Variants in CEP350 observed in about 807,000 individuals in gnomAD.
CEP350 encodes centrosomal protein 350.
Under a neutral mutation model 331.8 loss-of-function variants are expected in CEP350, and 126 were observed. That is an observed-to-expected ratio of 0.38 (90% CI 0.33 to 0.44). CEP350 has a LOEUF of 0.44. Among genes scored for constraint, CEP350 ranks in the 20% least tolerant of loss-of-function variants. CEP350 has a pLI of 1.00. For missense variants in CEP350, 3,406 were observed against 3,634.6 expected (o/e 0.94, Z 1.62); for synonymous variants, 1,200 against 1,259.5 (o/e 0.95, Z 1.00).
intron 6 of CEP350, among the ~76,000 whole-genome samples, chr1:179,999,455 T>G (rs930918208): frequency 2.0e-5 from 3 of 152,136 alleles, no homozygotes; most frequent in African/African-American, 7.2e-5. Context: ...GAATATGGCT[T>G]CCGATGTCCT....
At chr1:179,970,059 C>T (rs1651323716) in intron 1 of CEP350, among the ~76,000 whole-genome samples, 1 of 152,082 alleles carries the variant, frequency 6.6e-6, no homozygotes, top group Non-Finnish European at 1.5e-5. Flanking sequence ...AGGGCTCCCC[C>T]CTTCTTTTGG....
In CEP350 at chr1:180,112,760, A is replaced by C. The variant is rs527638841; in HGVS notation, c.*1599A>C. 6.5e-6 allele frequency: 1 copy of C among 152,770 alleles called. No individual in the cohort carries two copies. The highest frequency in any genetic ancestry group is 1.9e-4 in the East Asian group (1 of 5,192). 9.5% of individuals were successfully genotyped at this position (152,770 alleles called of 1,614,324 possible). ...AAGATGGTATAATCTTTAAGTGTGC[A>C]CGTTCGTTTATTTCTGCATCTTCCC... is the stretch of plus-strand genomic sequence containing the variant. On this transcript the variant is annotated 3_prime_UTR_variant, in exon 38 of 38. Coordinates refer to ENST00000367607, the MANE Select transcript of CEP350 (RefSeq NM_014810.5).
chr1:180,041,579 G>T, intron 18 of CEP350, 83 bp from the exon 19 acceptor site: 1 of 1,318,756 alleles, frequency 7.6e-7, no homozygotes, highest in South Asian at 1.6e-5. Context: ...AATAAGACAT[G>T]AAATAAATTT....
intron 8 of CEP350, among the ~76,000 whole-genome samples, chr1:180,007,852 G>GTGTA (rs1319426961): frequency 6.6e-6 from 1 of 150,384 alleles, no homozygotes; most frequent in Non-Finnish European, 1.5e-5. Context: ...GTGTGTGTGT[G>GTGTA]TGTGTGTGTG....
At chr1:180,098,273 A>G (rs976158692) in intron 36 of CEP350, among the ~76,000 whole-genome samples, 2 of 151,608 alleles carry the variant, frequency 1.3e-5, no homozygotes, top group Non-Finnish European at 2.9e-5. Context: ...CCAGCATGGT[A>G]GTTCTTAAGT....
intron 34 of CEP350, chr1:180,095,066 G>A (rs1660405860): frequency 5.8e-6 from 1 of 172,802 alleles, no homozygotes; most frequent in African/African-American, 2.4e-5. Context: ...GTTAGCAGTT[G>A]TGATGTTGAT....
At chr1:179,999,753 A>G (rs548873424) in intron 6 of CEP350, among the ~76,000 whole-genome samples, 23 of 152,058 alleles carry the variant, frequency 1.5e-4, no homozygotes, top group Admixed American at 2.6e-4. Context: ...GTATGTGTGT[A>G]TTGTGTGTCT....
chr1:179,983,633 C>A (rs1487375361), intron 1 of CEP350, among the ~76,000 whole-genome samples: 1 of 152,206 alleles, frequency 6.6e-6, no homozygotes, highest in South Asian at 2.1e-4. Flanking sequence ...TAAAAATTAA[C>A]CATACCTTTT....
In CEP350 at chr1:180,114,353, A is replaced by C. The variant is rs1558170369; in HGVS notation, c.*3192A>C. 1 of 152,678 alleles carries C rather than the reference A, an allele frequency of 6.5e-6. No homozygotes were observed. Among genetic ancestry groups the C allele is most frequent in the Non-Finnish European group, 1.5e-5 (1 of 68,038 alleles). 9.5% of individuals were successfully genotyped at this position (152,678 alleles called of 1,614,324 possible). On this transcript the variant is annotated 3_prime_UTR_variant, in exon 38 of 38. Transcript: ENST00000367607. ...TAAGAATACTAGTGAATAAAACATT[A>C]ATTCAAAGAGCAAATTATAGAAACT...
chr1:180,104,144 C>CT (rs917287902), intron 37 of CEP350, among the ~76,000 whole-genome samples: 2 of 149,740 alleles, frequency 1.3e-5, no homozygotes, highest in Non-Finnish European at 3.0e-5. Flanking sequence ...TATATGAGGA[C>CT]TTTTTTGGCA....
At chr1:180,056,021 T>A (rs1296205463) in intron 25 of CEP350, among the ~76,000 whole-genome samples, 1 of 152,168 alleles carries the variant, frequency 6.6e-6, no homozygotes, top group Non-Finnish European at 1.5e-5. Flanking sequence ...CCTCATTCTG[T>A]GGGGTTTCTT....
intron 27 of CEP350, among the ~76,000 whole-genome samples, chr1:180,067,438 C>T (rs924051468): frequency 6.6e-6 from 1 of 152,166 alleles, no homozygotes; most frequent in Admixed American, 6.5e-5. Context: ...CCTGTAATCC[C>T]AGCATTTTGG....
intron 22 of CEP350, 133 bp downstream of exon 22, chr1:180,048,838 C>T: frequency 1.4e-6 from 1 of 693,786 alleles, no homozygotes; most frequent in Non-Finnish European, 2.4e-6. Context: ...GGAGGCTGAG[C>T]TGGGAGAATT....
Position 180,085,349 on chromosome 1 carries a change from T to C in CEP350, c.6285+1171T>C, listed in dbSNP as rs139378696. On this transcript the variant is annotated intron_variant, in intron 31 of 37. Transcript: ENST00000367607. ...TTTCCTGTCCAATTCAGTCACTAGT[T>C]CTCATGGATTCTTCTATAAAGTTTC... 3.8e-3 allele frequency among the ~76,000 whole-genome samples: 579 copies of C among 152,256 alleles called. 4 individuals carry two copies. The highest frequency in any genetic ancestry group is 0.013 in the African/African-American group (532 of 41,548).
chr1:179,961,078 G>T (rs1378136010), intron 1 of CEP350, among the ~76,000 whole-genome samples: 2 of 152,080 alleles, frequency 1.3e-5, no homozygotes, highest in East Asian at 1.9e-4. Context: ...TAAATAAAAA[G>T]AATAGATGTG....
At position 180,095,798 on chromosome 1, in the gene CEP350, T is replaced by A. The variant is rs1277929211; in HGVS notation, c.8787T>A (p.Asn2929Lys). ...AAGAAGTAGAGATTCTTGTACATAATGCAGCAGAAGAACTTTGGAAATGGA... is the reference window on the plus strand; with the variant it reads ...AAGAAGTAGAGATTCTTGTACATAAAGCAGCAGAAGAACTTTGGAAATGGA... ...TAEEVEILVH[N>K]AAEELWKWKE... is the part of the protein sequence containing the mutation. The change falls in exon 35 of 38, where the codon AAT becomes AAA. Residue 2929 changes from asparagine to lysine, a missense_variant. Asn to Lys is a moderately conservative substitution (Grantham distance 94). Transcript: ENST00000367607. The A allele has an allele frequency of 6.2e-7, 1 of 1,613,830 alleles. No individual in the cohort carries two copies. Among genetic ancestry groups the A allele is most frequent in the East Asian group, 2.2e-5 (1 of 44,898 alleles).
intron 30 of CEP350, 84 bp from the exon 31 acceptor site, chr1:180,083,934 C>A: frequency 1.6e-6 from 1 of 636,166 alleles, no homozygotes; most frequent in Non-Finnish European, 2.6e-6. Context: ...TGGAATATTA[C>A]ATTACAGCTT....
At chr1:179,974,825 TA>T (rs1429372829) in intron 1 of CEP350, among the ~76,000 whole-genome samples, 1 of 151,852 alleles carries the variant, frequency 6.6e-6, no homozygotes, top group Non-Finnish European at 1.5e-5. Context: ...ATCTGTCTCT[TA>T]AAAAAATAAG....
At position 180,013,931 on chromosome 1, in the gene CEP350, G is replaced by A. The variant is rs1292264617; in HGVS notation, c.1478G>A (p.Ser493Asn). The A allele has an allele frequency of 6.2e-7, 1 of 1,613,586 alleles. No individual in the cohort carries two copies. Among genetic ancestry groups the A allele is most frequent in the Non-Finnish European group, 8.5e-7 (1 of 1,179,656 alleles). Reference protein sequence around the residue: ...HLQRNSERSRSKSRSENNIKK... With the variant: ...HLQRNSERSRNKSRSENNIKK... ...CAAAGAAACTCAGAACGTTCGAGAA[G>A]TAAATCTCGGTCTGAAAATAATATA... Residue 493 changes from serine to asparagine, a missense_variant, in exon 10 of 38, where the codon AGT (serine) becomes AAT (asparagine). By Grantham distance (46) the Ser-to-Asn change is conservative. Around this residue, in one of 5 missense-constraint regions of CEP350, gnomAD observed 1,857 missense variants for 1,909.2 expected, o/e 0.97. Coordinates refer to ENST00000367607, the MANE Select transcript of CEP350 (RefSeq NM_014810.5).
Sources: gnomAD v4.1 joint callset for allele counts (sites outside exome capture counted in the v4.1 genomes callset) on GRCh38, gnomAD v4.1.1 for gene constraint, gnomAD v4.1.1 regional missense constraint, MANE v1.5 for transcripts, NCBI Gene and HGNC (gene_info 2026-07-23, HGNC 2026-07-21) for gene names.